The following SKAP1 variants were observed in gnomAD, a reference collection of about 807,000 sequenced individuals.
The protein encoded by SKAP1 is src kinase-associated phosphoprotein 1.
Under a neutral mutation model 58.5 loss-of-function variants are expected in SKAP1, and 44 were observed. The ratio of observed to expected loss-of-function variants is 0.75; its 90% CI spans 0.59 to 0.97. SKAP1 has a LOEUF of 0.97. SKAP1 is among the 50% of genes least tolerant of loss of function. The probability of loss-of-function intolerance (pLI) is 0.00; values close to 1 mark genes in which losing one functional copy is unlikely to be tolerated. For synonymous variants in SKAP1, 127 were observed against 149.7 expected, an observed-to-expected ratio of 0.85 and a Z score of 1.11; for missense variants, 390 against 435.2, an observed-to-expected ratio of 0.90 and a Z score of 0.92.
chr17:48,237,973 GTTGTTTTTTGTTTGTT>G (rs1291635666), intron 4 of SKAP1, among the ~76,000 whole-genome samples: 3 of 147,500 alleles, frequency 2.0e-5, no homozygotes, highest in African/African-American at 7.6e-5. Flanking sequence ...TGTTGTTGTT[GTTGTTTTTTGTTTGTT>G]TTGTTTTTTG....
chr17:48,255,132 G>A (rs1190667020), intron 4 of SKAP1, among the ~76,000 whole-genome samples: 1 of 152,004 alleles, frequency 6.6e-6, no homozygotes, highest in East Asian at 1.9e-4. Context: ...GCTCATACTT[G>A]GTGAAGAAAG....
chr17:48,177,049 G>C (rs945448532), intron 9 of SKAP1, among the ~76,000 whole-genome samples: 1 of 152,166 alleles, frequency 6.6e-6, no homozygotes, highest in Admixed American at 6.5e-5. Flanking sequence ...TTTGACTCTT[G>C]ATGGGTATGC....
At chr17:48,216,268 C>T (rs2064937575) in intron 4 of SKAP1, among the ~76,000 whole-genome samples, 2 of 152,150 alleles carry the variant, frequency 1.3e-5, no homozygotes, top group South Asian at 2.1e-4. Context: ...ACAACTTGAT[C>T]TTGTTTGAGT....
intron 4 of SKAP1, among the ~76,000 whole-genome samples, chr17:48,253,894 G>C (rs1472205596): frequency 6.6e-6 from 1 of 152,164 alleles, no homozygotes; most frequent in Admixed American, 6.6e-5. Context: ...GCTTTCTTAT[G>C]AGGAAAATAT....
At chr17:48,422,636 T>A (rs1567908664) in intron 1 of SKAP1, among the ~76,000 whole-genome samples, 1 of 151,932 alleles carries the variant, frequency 6.6e-6, no homozygotes, top group African/African-American at 2.4e-5. Flanking sequence ...ACAGAGAAAA[T>A]ATACAGGACC....
At chr17:48,309,044 G>A (rs561247421) in intron 4 of SKAP1, among the ~76,000 whole-genome samples, 25 of 152,006 alleles carry the variant, frequency 1.6e-4, no homozygotes, top group African/African-American at 5.1e-4. Context: ...GACGGTGTAT[G>A]GGCTTTTTCT....
intron 9 of SKAP1, among the ~76,000 whole-genome samples, chr17:48,171,088 C>CTGT (rs201957097): frequency 0.029 from 3,108 of 107,302 alleles, 88 homozygotes; most frequent in South Asian, 0.036. Context: ...AGTTTAATTA[C>CTGT]TGTTGTTTTT....
intron 2 of SKAP1, among the ~76,000 whole-genome samples, chr17:48,382,846 A>G (rs750164673): frequency 1.3e-5 from 2 of 152,198 alleles, no homozygotes; most frequent in Non-Finnish European, 2.9e-5. Flanking sequence ...GTGAATTTGT[A>G]TTTTAAAAAA....
chr17:48,217,698 A>G (rs2064957100), intron 4 of SKAP1, among the ~76,000 whole-genome samples: 1 of 152,146 alleles, frequency 6.6e-6, no homozygotes, highest in Admixed American at 6.6e-5. Context: ...TATGGAGTCC[A>G]CTGCAATATC....
chr17:48,365,962 G>C (rs1490426335), intron 2 of SKAP1, among the ~76,000 whole-genome samples: 2 of 151,832 alleles, frequency 1.3e-5, no homozygotes, highest in Non-Finnish European at 1.5e-5. Flanking sequence ...AAAAATCATG[G>C]CTTCACCCTG....
chr17:48,386,895 T>C (rs1456015865), intron 2 of SKAP1, among the ~76,000 whole-genome samples: 1 of 152,212 alleles, frequency 6.6e-6, no homozygotes, highest in Non-Finnish European at 1.5e-5. Flanking sequence ...AAATATTCAG[T>C]AGAAGAACAA....
chr17:48,259,282 T>G (rs1350238633), intron 4 of SKAP1, among the ~76,000 whole-genome samples: 1 of 151,988 alleles, frequency 6.6e-6, no homozygotes, highest in Non-Finnish European at 1.5e-5. Context: ...GAAGAAAAAA[T>G]AATTCAAAAT....
chr17:48,364,730 G>A (rs1303861159), intron 2 of SKAP1, among the ~76,000 whole-genome samples: 3 of 152,096 alleles, frequency 2.0e-5, no homozygotes, highest in Non-Finnish European at 4.4e-5. Flanking sequence ...ATTGACTTAA[G>A]GTTGTCTAAC....
intron 1 of SKAP1, among the ~76,000 whole-genome samples, chr17:48,426,927 T>C (rs1280821430): frequency 6.6e-6 from 1 of 152,066 alleles, no homozygotes; most frequent in African/African-American, 2.4e-5. Context: ...GCATAGTAAA[T>C]GGTCCGTTAG....
chr17:48,201,305 GTTCC>G (rs913658915), intron 4 of SKAP1, among the ~76,000 whole-genome samples: 28 of 131,826 alleles, frequency 2.1e-4, no homozygotes, highest in Admixed American at 5.7e-4. Context: ...TCCTTTCTTC[GTTCC>G]TTCCTTCCTT....
Position 48,398,295 on chromosome 17 carries a change from G to A in SKAP1, c.47-1510C>T, listed in dbSNP as rs147689612. Reference sequence around the variant, plus strand: ...GAGCACAAACCCTATTGTGAACTGTGTATGTGAGGGATCTAGGTTGTGTGC... The same window carrying A: ...GAGCACAAACCCTATTGTGAACTGTATATGTGAGGGATCTAGGTTGTGTGC... On this transcript the variant is annotated intron_variant, in intron 1 of 12. Coordinates refer to ENST00000336915, the MANE Select transcript of SKAP1 (RefSeq NM_003726.4). Among the ~76,000 whole-genome samples, 787 of 152,136 alleles carry A rather than the reference G, an allele frequency of 5.2e-3. 7 individuals carry two copies. The highest frequency in any genetic ancestry group is 0.034 in the Middle Eastern group (10 of 294).
intron 4 of SKAP1, among the ~76,000 whole-genome samples, chr17:48,327,784 C>A (rs1754533639): frequency 6.6e-6 from 1 of 152,124 alleles, no homozygotes; most frequent in African/African-American, 2.4e-5. Context: ...TGCCACCACA[C>A]CTGGCTAATA....
chr17:48,375,117 T>G (rs2036763), intron 2 of SKAP1, among the ~76,000 whole-genome samples: 3,737 of 152,278 alleles, frequency 0.025, 141 homozygotes, highest in African/African-American at 0.083. Context: ...TATAACTCAA[T>G]TATGTAATAG....
At chr17:48,203,600 G>A (rs2064757393) in intron 4 of SKAP1, 1 of 152,022 alleles carries the variant, frequency 6.6e-6, no homozygotes, top group Admixed American at 6.6e-5. Context: ...GTTATTGTTT[G>A]GTATAGCACC....
Sources: gnomAD v4.1 joint callset for allele counts (sites outside exome capture counted in the v4.1 genomes callset) on GRCh38, gnomAD v4.1.1 for gene constraint, MANE v1.5 for transcripts, NCBI Gene and HGNC (gene_info 2026-07-23, HGNC 2026-07-21) for gene names.